Variants in MZF1 observed in about 807,000 individuals in gnomAD.
MZF1 encodes myeloid zinc finger 1.
In MZF1, 24 loss-of-function variants were observed where a neutral mutation model predicts 28.6. The observed-to-expected ratio is 0.84, with a 90% CI of 0.61 to 1.18. MZF1 has a LOEUF of 1.18. MZF1 is among the 50% of genes most tolerant of loss of function. The pLI, the probability that MZF1 is intolerant of heterozygous loss-of-function variation, is 0.00. For synonymous variants in MZF1, 516 were observed against 432.5 expected (o/e 1.19, Z -2.40); for missense variants, 1,166 against 1,026.4 (o/e 1.14, Z -1.86).
upstream of MZF1, chr19:58,573,501 C>A (rs1196525586): frequency 1.3e-5 from 2 of 152,380 alleles, no homozygotes; most frequent in African/African-American, 4.8e-5. Flanking sequence ...ACTTCCTAGA[C>A]CGCAAAATGG....
intron 5 of MZF1, chr19:58,564,146 T>G (rs1403448443): frequency 1.3e-5 from 2 of 152,186 alleles, no homozygotes; most frequent in African/African-American, 4.8e-5. Context: ...CAACTCCAAC[T>G]GAGAATCAGG....
chr19:58,572,727 A>C, intron 1 of MZF1: 1 of 877,446 alleles, frequency 1.1e-6, no homozygotes, highest in South Asian at 1.4e-5. Flanking sequence ...ACCCTGGGAG[A>C]GACTTGGGTC....
At position 58,562,897 on chromosome 19, in the gene MZF1, G is replaced by T. The variant is rs1015070217; in HGVS notation, c.1380C>A (p.Arg460=). ...RQRSNLLQHQ[R]IHGDPPGPGA... ...CAGGGCCCGGGGGATCGCCGTGGATGCGCTGGTGCTGCAGCAGATTGGAGC... is the reference window on the plus strand; with the variant it reads ...CAGGGCCCGGGGGATCGCCGTGGATTCGCTGGTGCTGCAGCAGATTGGAGC... The change falls in exon 6 of 6, where the codon CGC becomes CGA. Residue 460 remains arginine (R), a synonymous_variant. Coordinates refer to ENST00000215057, the MANE Select transcript of MZF1 (RefSeq NM_198055.2). 2 of 1,579,396 alleles carry T rather than the reference G, an allele frequency of 1.3e-6. No individual in the cohort carries two copies. Among genetic ancestry groups the T allele is most frequent in the Non-Finnish European group, 1.7e-6 (2 of 1,168,734 alleles).
rs1431209503 is a variant in MZF1 at position 58,563,035 on chromosome 19, G to A, written c.1242C>T (p.Cys414=). Residue 414 remains cysteine, a synonymous_variant, in exon 6 of 6, where the codon TGC becomes TGT. Coordinates refer to ENST00000215057, the MANE Select transcript of MZF1 (RefSeq NM_198055.2). ...LTHTEERPFV[C]GDCGQGFVRS... is the part of the protein sequence containing the mutation. The stretch of plus-strand genomic sequence containing the variant: ...GCACGAAGCCCTGGCCACAGTCGCC[G>A]CACACGAACGGCCGCTCCTCGGTGT... 1.2e-6 allele frequency: 2 copies of A among 1,601,906 alleles called. No homozygotes were observed. The highest frequency in any genetic ancestry group is 1.7e-5 in the Admixed American group (1 of 59,956).
Position 58,562,222 on chromosome 19 carries a change from C to T in MZF1, c.2055G>A (p.Glu685=). Residue 685 remains glutamate (E), a synonymous_variant, in exon 6 of 6, where the codon GAG becomes GAA. Transcript: ENST00000215057. ...GCCGCTGGCGGAAGGCCTTGCCACA[C>T]TCAGGGCATGCGTAGGGCCGTTCAC... ...HTGERPYACP[E]CGKAFRQRPT... The T allele has an allele frequency of 6.2e-7, 1 of 1,608,650 alleles. No homozygotes were observed. Among genetic ancestry groups the T allele is most frequent in the South Asian group, 1.1e-5 (1 of 90,880 alleles).
At position 58,562,044 on chromosome 19, in the gene MZF1, T is replaced by C. The variant is rs1030617923; in HGVS notation, c.*28A>G. 1.8e-5 allele frequency: 27 copies of C among 1,541,992 alleles called. No individual in the cohort carries two copies. The highest frequency in any genetic ancestry group is 2.4e-5 in the Non-Finnish European group (27 of 1,144,324). Reference sequence around the variant, plus strand: ...CCAGGGGAGGTAGGTGTTCTGACCATGGCGGACACAGTGCGTCCCGGCTGG... The same window carrying C: ...CCAGGGGAGGTAGGTGTTCTGACCACGGCGGACACAGTGCGTCCCGGCTGG... On this transcript the variant is annotated 3_prime_UTR_variant, in exon 6 of 6. Transcript: ENST00000215057.
chr19:58,563,938 T>C lies in MZF1; in HGVS notation c.773-434A>G, dbSNP rs561878626. 1.3e-4 allele frequency: 20 copies of C among 158,830 alleles called. No individual in the cohort carries two copies. The South Asian group carries it at 2.9e-3, about 23-fold the overall frequency. 9.8% of individuals were successfully genotyped at this position (158,830 alleles called of 1,614,324 possible). On this transcript the variant is annotated intron_variant, in intron 5 of 5. Transcript: ENST00000215057. ...GGATGTGCCTTGCTTGTGATGTCTG[T>C]GGGGCATCTGAGGAACACAGACTTC...
chr19:58,569,922 T>G (rs1600107688), intron 3 of MZF1: 1 of 317,212 alleles, frequency 3.2e-6, no homozygotes, highest in Non-Finnish European at 5.9e-6. Context: ...CTAGTTCAGG[T>G]GCCCTGCCTG....
chr19:58,563,242 G>C lies in MZF1; in HGVS notation c.1035C>G (p.Arg345=), dbSNP rs375810541. 4 of 1,608,752 alleles carry C rather than the reference G, an allele frequency of 2.5e-6. No individual in the cohort carries two copies. The highest frequency in any genetic ancestry group is 3.4e-6 in the Non-Finnish European group (4 of 1,178,046). Residue 345 remains arginine, a synonymous_variant, in exon 6 of 6, where the codon CGC becomes CGG. Transcript: ENST00000215057. ...TAACCACCCCGCCCCCAGTGCTGGG[G>C]CGGCCCCGGCTCCGGCCCCTGGGGG... ...WRSPRGRSRG[R]PSTGGGVVRG...
Position 58,562,006 on chromosome 19 carries a change from A to G in MZF1, c.*66T>C, listed in dbSNP as rs900277870. Reference sequence around the variant, plus strand: ...ACCTGCTTATACTTATGTAATCGCCAGCCTCACAATAACCAGGGGAGGTAG... The same window carrying G: ...ACCTGCTTATACTTATGTAATCGCCGGCCTCACAATAACCAGGGGAGGTAG... On this transcript the variant is annotated 3_prime_UTR_variant, in exon 6 of 6. Coordinates refer to ENST00000215057, the MANE Select transcript of MZF1 (RefSeq NM_198055.2). The G allele has an allele frequency of 6.8e-6, 10 of 1,476,802 alleles. No individual in the cohort carries two copies. The Admixed American group carries it at 2.1e-4, about 30-fold the overall frequency. The allele number at this position is 1,476,802 out of a possible 1,614,324, so 91.5% of individuals were successfully genotyped here.
At position 58,562,482 on chromosome 19, in the gene MZF1, A is replaced by G; in HGVS notation, c.1795T>C (p.Cys599Arg). The G allele has an allele frequency of 1.2e-6, 2 of 1,610,964 alleles. No homozygotes were observed. The highest frequency in any genetic ancestry group is 1.7e-6 in the Non-Finnish European group (2 of 1,179,380). The change falls in exon 6 of 6, where the codon TGC becomes CGC. Residue 599 changes from cysteine (C) to arginine (R), a missense_variant. Transcript: ENST00000215057. ...RVHTGEKPFA[C>R]PECGQRFSQR... Reference sequence around the variant, plus strand: ...CTGAAGCGCTGGCCACACTCGGGGCAGGCAAAGGGTTTCTCGCCCGTGTGT... The same window carrying G: ...CTGAAGCGCTGGCCACACTCGGGGCGGGCAAAGGGTTTCTCGCCCGTGTGT...
At chr19:58,565,588 A>G (rs549662581) in intron 5 of MZF1, among the ~76,000 whole-genome samples, 11 of 151,278 alleles carry the variant, frequency 7.3e-5, no homozygotes, top group Non-Finnish European at 1.2e-4. Flanking sequence ...GCTGGAGTGT[A>G]GTGGCGCCAT....
chr19:58,566,567 G>A (rs553201720), intron 5 of MZF1, among the ~76,000 whole-genome samples: 1 of 152,202 alleles, frequency 6.6e-6, no homozygotes, highest in Non-Finnish European at 1.5e-5. Flanking sequence ...GAGTAAGACT[G>A]TGTGGCCCAG....
chr19:58,562,161 C>G lies in MZF1; in HGVS notation c.2116G>C (p.Glu706Gln). 1 of 1,595,636 alleles carries G rather than the reference C, an allele frequency of 6.3e-7. No homozygotes were observed. Among genetic ancestry groups the G allele is most frequent in the Admixed American group, 1.8e-5 (1 of 56,700 alleles). ...LTQHLRTHRR[E>Q]KPFACQDCGR... ...CAGTCCTGGCAGGCGAAGGGCTTCT[C>G]TCGTCGGTGGGTGCGCAGATGCTGC... Residue 706 changes from glutamate to glutamine, a missense_variant, in exon 6 of 6, where the codon GAG becomes CAG. Transcript: ENST00000215057.
At chr19:58,566,586 G>A (rs1246427735) in intron 5 of MZF1, among the ~76,000 whole-genome samples, 2 of 152,326 alleles carry the variant, frequency 1.3e-5, no homozygotes, top group Middle Eastern at 3.4e-3. Context: ...AGGCAGGGAA[G>A]GGGCATTCCA....
At position 58,563,407 on chromosome 19, in the gene MZF1, G is replaced by C. The variant is rs373157217; in HGVS notation, c.870C>G (p.Gly290=). The C allele has an allele frequency of 1.3e-6, 2 of 1,594,398 alleles. No individual in the cohort carries two copies. Among genetic ancestry groups the C allele is most frequent in the Non-Finnish European group, 1.7e-6 (2 of 1,170,610 alleles). ...CTTCGCGGGAGGGTGATTGGATCTG[G>C]CCAGAAAGGCCAGCCATGCCGAGGT... The part of the protein sequence containing the change: ...PWDLGMAGLS[G]QIQSPSREGG... The change falls in exon 6 of 6, where the codon GGC becomes GGG. Residue 290 remains glycine (G), a synonymous_variant. Coordinates refer to ENST00000215057, the MANE Select transcript of MZF1 (RefSeq NM_198055.2).
chr19:58,569,793 G>C (rs2054123925), intron 3 of MZF1: 1 of 552,322 alleles, frequency 1.8e-6, no homozygotes. Flanking sequence ...AGCTGCAGTG[G>C]GATGAGATGG....
In MZF1 at chr19:58,562,863, G is replaced by C. The variant is rs1428757109; in HGVS notation, c.1414C>G (p.Pro472Ala). The C allele has an allele frequency of 1.3e-6, 2 of 1,545,398 alleles. No individual in the cohort carries two copies. Among genetic ancestry groups the C allele is most frequent in the Non-Finnish European group, 1.7e-6 (2 of 1,152,270 alleles). The change falls in exon 6 of 6, where the codon CCC (proline) becomes GCC (alanine). Residue 472 changes from proline to alanine, a missense_variant. Physicochemically the swap from Pro to Ala is conservative, Grantham distance 27. Transcript: ENST00000215057. ...TCGGGCGCACCAGGAGGGGCCGGGG[G>C]CTTAGCGCCAGGGCCCGGGGGATCG... ...HGDPPGPGAK[P>A]PAPPGAPEPP...
chr19:58,570,691 G>A, intron 2 of MZF1, 164 bp from the exon 3 acceptor site: 1 of 770,068 alleles, frequency 1.3e-6, no homozygotes, highest in Non-Finnish European at 2.0e-6. Context: ...CCTGAGCAAA[G>A]AATGAAGGGA....
Sources: gnomAD v4.1 joint callset for allele counts (sites outside exome capture counted in the v4.1 genomes callset) on GRCh38, gnomAD v4.1.1 for gene constraint, MANE v1.5 for transcripts, NCBI Gene and HGNC (gene_info 2026-07-23, HGNC 2026-07-21) for gene names.